The following STYX variants were observed in gnomAD, a reference collection of about 807,000 sequenced individuals.
STYX encodes the protein serine/threonine/tyrosine-interacting protein.
A neutral mutation model predicts 42.7 loss-of-function variants in STYX; 20 were observed. The ratio of observed to expected loss-of-function variants is 0.47; its 90% CI spans 0.33 to 0.68. The LOEUF (loss-of-function observed/expected upper bound fraction) is 0.68, where lower values mean the gene tolerates loss of function less well. Ranked by LOEUF, STYX falls within the 30% of genes least tolerant of loss-of-function variation. The probability of loss-of-function intolerance (pLI) is 0.02; values close to 1 mark genes in which losing one functional copy is unlikely to be tolerated. For missense variants in STYX, 226 were observed against 268.5 expected (o/e 0.84, Z 1.11); for synonymous variants, 78 against 81.9 (o/e 0.95, Z 0.26).
chr14:52,760,637 AATTTT>A (rs1882054772), intron 9 of STYX, among the ~76,000 whole-genome samples: 1 of 152,146 alleles, frequency 6.6e-6, no homozygotes, highest in Non-Finnish European at 1.5e-5. Flanking sequence ...CCAAGGTTTA[AATTTT>A]ATTTTAATAT....
In STYX at chr14:52,774,159, C is replaced by T. The variant is rs190175801; in HGVS notation, c.*3053C>T. 6.6e-6 allele frequency: 1 copy of T among 152,294 alleles called. No individual in the cohort carries two copies. The highest frequency in any genetic ancestry group is 1.9e-4 in the East Asian group (1 of 5,194). 9.4% of individuals were successfully genotyped at this position (152,294 alleles called of 1,614,324 possible). Reference sequence around the variant, plus strand: ...ATAGCTTTTGCTACCAACTCAACCACTTAACTTTTAGAGCAGTTTTGGGGA... The same window carrying T: ...ATAGCTTTTGCTACCAACTCAACCATTTAACTTTTAGAGCAGTTTTGGGGA... On this transcript the variant is annotated 3_prime_UTR_variant, in exon 11 of 11. Transcript: ENST00000354586.
chr14:52,769,795 T>G (rs1882445178), intron 10 of STYX, among the ~76,000 whole-genome samples: 1 of 152,060 alleles, frequency 6.6e-6, no homozygotes, highest in East Asian at 1.9e-4. Context: ...TCCAAACTCT[T>G]GTTATTTGGT....
At chr14:52,748,060 A>G (rs1453056048) in intron 3 of STYX, among the ~76,000 whole-genome samples, 4 of 152,208 alleles carry the variant, frequency 2.6e-5, no homozygotes, top group African/African-American at 4.8e-5. Context: ...AAATGTCACC[A>G]TGGTCTTATT....
intron 9 of STYX, among the ~76,000 whole-genome samples, chr14:52,764,195 G>T (rs374043512): frequency 2.6e-5 from 4 of 152,210 alleles, no homozygotes; most frequent in African/African-American, 9.6e-5. Flanking sequence ...GTTTCACCAT[G>T]TTGGCCAGGC....
At chr14:52,750,092 C>T (rs1157021291) in intron 3 of STYX, among the ~76,000 whole-genome samples, 12 of 152,154 alleles carry the variant, frequency 7.9e-5, no homozygotes, top group Non-Finnish European at 8.8e-5. Context: ...AAGGGATACT[C>T]AACCTGTATT....
chr14:52,746,653 C>G (rs1298210660), intron 3 of STYX, among the ~76,000 whole-genome samples, 174 bp downstream of exon 3: 1 of 152,168 alleles, frequency 6.6e-6, no homozygotes, highest in Non-Finnish European at 1.5e-5. Flanking sequence ...ACCAGTAGTT[C>G]TCAAGTGTTT....
intron 4 of STYX, among the ~76,000 whole-genome samples, chr14:52,752,232 G>T (rs1881645366): frequency 6.6e-6 from 1 of 151,744 alleles, no homozygotes; most frequent in East Asian, 1.9e-4. Flanking sequence ...ACTTTGGGAG[G>T]CTGAGGAGGG....
chr14:52,730,834 T>C (rs912803394), intron 1 of STYX, among the ~76,000 whole-genome samples: 1 of 152,234 alleles, frequency 6.6e-6, no homozygotes, highest in Non-Finnish European at 1.5e-5. Flanking sequence ...ATTGTCAAAG[T>C]AACAAGAGAG....
chr14:52,736,590 C>T (rs1027233903), intron 1 of STYX, among the ~76,000 whole-genome samples: 5 of 152,134 alleles, frequency 3.3e-5, no homozygotes, highest in Middle Eastern at 3.4e-3. Context: ...CTTGTGAATC[C>T]CGTAGTACAG....
At chr14:52,752,111 G>T (rs1044160763) in intron 4 of STYX, among the ~76,000 whole-genome samples, 1 of 151,058 alleles carries the variant, frequency 6.6e-6, no homozygotes, top group Non-Finnish European at 1.5e-5. Context: ...AGTGAGCCGA[G>T]ATCACACCAC....
At chr14:52,755,231 T>G (rs1313787271) in intron 4 of STYX, among the ~76,000 whole-genome samples, 1 of 151,948 alleles carries the variant, frequency 6.6e-6, no homozygotes, top group Non-Finnish European at 1.5e-5. Flanking sequence ...TAAGTGATTC[T>G]CCTGCCTCAG....
At chr14:52,758,702 A>C (rs1003114242) in intron 8 of STYX, among the ~76,000 whole-genome samples, 1 of 152,026 alleles carries the variant, frequency 6.6e-6, no homozygotes, top group African/African-American at 2.4e-5. Flanking sequence ...CAGCCTCCCT[A>C]GTAGCTGAGA....
At chr14:52,738,701 A>G (rs1238913006) in intron 1 of STYX, among the ~76,000 whole-genome samples, 1 of 152,218 alleles carries the variant, frequency 6.6e-6, no homozygotes, top group Non-Finnish European at 1.5e-5. Flanking sequence ...ATGCAAAGAA[A>G]CACTTTCTCT....
At chr14:52,746,296 A>G (rs1881394211) in intron 2 of STYX, 130 bp from the exon 3 acceptor site, 3 of 596,012 alleles carry the variant, frequency 5.0e-6, no homozygotes, top group South Asian at 6.1e-5. Flanking sequence ...GATTAAAAAA[A>G]TAGATAATAG....
intron 1 of STYX, among the ~76,000 whole-genome samples, chr14:52,737,265 G>T (rs1331845774): frequency 1.3e-5 from 2 of 152,158 alleles, no homozygotes; most frequent in African/African-American, 4.8e-5. Flanking sequence ...CTTCATTGAT[G>T]TGTTTATTTG....
At chr14:52,730,758 G>A (rs1880666314) in intron 1 of STYX, among the ~76,000 whole-genome samples, 1 of 152,182 alleles carries the variant, frequency 6.6e-6, no homozygotes, top group Admixed American at 6.5e-5. Flanking sequence ...TTTGAGAAGA[G>A]GAAAAGCAAT....
chr14:52,758,193 A>C (rs1008485914), intron 8 of STYX, among the ~76,000 whole-genome samples: 2 of 152,210 alleles, frequency 1.3e-5, no homozygotes, highest in Non-Finnish European at 2.9e-5. Context: ...CGTGACCACA[A>C]ATGTTAGTGC....
chr14:52,751,678 G>A (rs1242951662), intron 4 of STYX, among the ~76,000 whole-genome samples: 4 of 152,154 alleles, frequency 2.6e-5, no homozygotes, highest in East Asian at 1.9e-4. Context: ...AGTTGAGCAT[G>A]TAATGGTTTT....
chr14:52,746,407 CA>C lies in STYX; in HGVS notation c.91-16del. ...TTTAAATTGCTGATGGTAAATACCT[CA>C]AATTTTTTTTTTTCTAGGAAATTTT... On this transcript the variant is annotated intron_variant, in intron 2 of 10. Coordinates refer to ENST00000354586, the MANE Select transcript of STYX (RefSeq NM_145251.4). 1.3e-6 allele frequency: 2 copies of C among 1,546,150 alleles called. No homozygotes were observed. The highest frequency in any genetic ancestry group is 2.3e-5 in the Admixed American group (1 of 44,348).
Sources: allele counts gnomAD v4.1 joint callset (sites outside exome capture counted in the v4.1 genomes callset), GRCh38; gene constraint gnomAD v4.1.1; transcripts MANE v1.5; gene names NCBI Gene and HGNC (gene_info 2026-07-23, HGNC 2026-07-21).